The following USH2A variants were observed in gnomAD, a reference collection of about 807,000 sequenced individuals.
USH2A encodes Usher syndrome 2A (autosomal recessive, mild).
USH2A carries 443 observed loss-of-function variants against 538.9 expected under a neutral mutation model. The observed-to-expected ratio is 0.82, with a 90% CI of 0.76 to 0.89. The LOEUF (loss-of-function observed/expected upper bound fraction) is 0.89, where lower values mean the gene tolerates loss of function less well. Ranked by LOEUF, USH2A falls within the 40% of genes least tolerant of loss-of-function variation. USH2A has a pLI of 0.00. For synonymous variants in USH2A, 2,413 were observed against 2,273.5 expected (o/e 1.06, Z -1.75); for missense variants, 6,633 against 6,324.8 (o/e 1.05, Z -1.65).
chr1:215,827,756 C>T (rs988164151), intron 47 of USH2A, among the ~76,000 whole-genome samples: 30 of 151,930 alleles, frequency 2.0e-4, no homozygotes, highest in Non-Finnish European at 3.8e-4. Context: ...CTACAATTGC[C>T]CATATTGGTA....
chr1:216,061,493 T>A (rs1184659349), intron 30 of USH2A, among the ~76,000 whole-genome samples: 2 of 152,202 alleles, frequency 1.3e-5, no homozygotes, highest in Non-Finnish European at 2.9e-5. Context: ...TGGATAAAAT[T>A]TAAATGTGAT....
At chr1:215,766,643 A>G in intron 56 of USH2A, 38 bp downstream of exon 56, 1 of 1,580,864 alleles carries the variant, frequency 6.3e-7, no homozygotes, top group Non-Finnish European at 8.7e-7. Context: ...TGCTATGTGA[A>G]AATTTCTTCC....
chr1:215,973,632 C>A (rs982295589), intron 35 of USH2A, among the ~76,000 whole-genome samples: 4 of 149,752 alleles, frequency 2.7e-5, no homozygotes, highest in African/African-American at 9.8e-5. Context: ...GACAGTTTCT[C>A]CAAATTTACT....
At chr1:215,913,830 T>C (rs1665876331) in intron 38 of USH2A, among the ~76,000 whole-genome samples, 1 of 152,036 alleles carries the variant, frequency 6.6e-6, no homozygotes, top group Non-Finnish European at 1.5e-5. Context: ...CACTCACTTC[T>C]GGGAGCTCAT....
At position 215,790,215 on chromosome 1, in the gene USH2A, T is replaced by G. The variant is rs375107022; in HGVS notation, c.10026A>C (p.Gly3342=). 1.2e-5 allele frequency: 20 copies of G among 1,613,982 alleles called. No homozygotes were observed. Among genetic ancestry groups the G allele is most frequent in the Non-Finnish European group, 1.7e-5 (20 of 1,180,010 alleles). Residue 3342 remains glycine (G), a synonymous_variant, in exon 51 of 72, where the codon GGA becomes GGC. Coordinates refer to ENST00000307340, the MANE Select transcript of USH2A (RefSeq NM_206933.4). ...TCTTTTTAATATGTGCTTTAGACTC[T>G]CCACTGGAAGCTGAGCAGCATATGG... ...SDTICCSASS[G]ESKAHIKKND...
chr1:216,100,823 G>A (rs1330798077), intron 21 of USH2A, among the ~76,000 whole-genome samples: 1 of 152,150 alleles, frequency 6.6e-6, no homozygotes, highest in Non-Finnish European at 1.5e-5. Flanking sequence ...TAAAAATTAT[G>A]CACTATTTAA....
intron 3 of USH2A, among the ~76,000 whole-genome samples, chr1:216,366,707 C>A (rs1010278529): frequency 6.6e-6 from 1 of 152,058 alleles, no homozygotes; most frequent in Non-Finnish European, 1.5e-5. Context: ...ATTCTAACCA[C>A]CCTACTTTCA....
At chr1:216,275,321 A>G (rs1402904237) in intron 11 of USH2A, among the ~76,000 whole-genome samples, 1 of 152,124 alleles carries the variant, frequency 6.6e-6, no homozygotes, top group East Asian at 1.9e-4. Flanking sequence ...TTAATATAGT[A>G]GTTATTAATA....
At chr1:215,676,808 T>C (rs1175068298) in intron 62 of USH2A, among the ~76,000 whole-genome samples, 1 of 152,166 alleles carries the variant, frequency 6.6e-6, no homozygotes, top group Non-Finnish European at 1.5e-5. Context: ...CTGCCCCTGA[T>C]ATTCACCCGG....
chr1:215,948,664 A>G (rs916035626), intron 37 of USH2A, among the ~76,000 whole-genome samples: 20 of 152,068 alleles, frequency 1.3e-4, no homozygotes, highest in African/African-American at 4.8e-4. Flanking sequence ...CACCCTCTTG[A>G]TTTTTATTAT....
At chr1:215,908,560 G>T (rs1010867078) in intron 38 of USH2A, among the ~76,000 whole-genome samples, 2 of 151,632 alleles carry the variant, frequency 1.3e-5, no homozygotes, top group African/African-American at 4.8e-5. Context: ...AGATAGCCAT[G>T]GTAAAATTAT....
chr1:215,978,783 G>A (rs1189098079), intron 35 of USH2A, among the ~76,000 whole-genome samples: 1 of 152,096 alleles, frequency 6.6e-6, no homozygotes, highest in Non-Finnish European at 1.5e-5. Flanking sequence ...ATACGGTAGT[G>A]GGGACTTCAA....
intron 61 of USH2A, among the ~76,000 whole-genome samples, chr1:215,685,550 G>T (rs1376144515): frequency 6.6e-6 from 1 of 151,900 alleles, no homozygotes; most frequent in Non-Finnish European, 1.5e-5. Context: ...TAGAGACGGG[G>T]TTTCACCATC....
chr1:216,008,324 C>T (rs1269979628), intron 32 of USH2A, among the ~76,000 whole-genome samples: 2 of 152,012 alleles, frequency 1.3e-5, no homozygotes, highest in African/African-American at 4.8e-5. Context: ...CATCCTGGCT[C>T]AAAAGCTCCC....
In USH2A at chr1:215,790,175, C is replaced by T; in HGVS notation, c.10066G>A (p.Val3356Ile). Residue 3356 changes from valine (V) to isoleucine (I), a missense_variant, in exon 51 of 72, where the codon GTA becomes ATA. By Grantham distance (29) the Val-to-Ile change is conservative. Transcript: ENST00000307340. ...AHIKKNDPVP[V>I]KCCETELIPK... ...ATAAGTTCAGTCTCACAGCATTTTA[C>T]TGGCACCGGGTCATTCTTTTTAATA... 1.9e-6 allele frequency: 3 copies of T among 1,614,088 alleles called. No homozygotes were observed. The South Asian group carries it at 3.3e-5, about 18-fold the overall frequency.
intron 15 of USH2A, among the ~76,000 whole-genome samples, chr1:216,210,757 C>T (rs1227608401): frequency 1.3e-5 from 2 of 151,940 alleles, no homozygotes; most frequent in East Asian, 1.9e-4. Flanking sequence ...TCGAGGCGGG[C>T]GGATCACGAG....
In USH2A at chr1:216,000,573, G is replaced by A. The variant is rs1668246281; in HGVS notation, c.6326-11C>T. On this transcript the variant is annotated splice_polypyrimidine_tract_variant and intron_variant, in intron 32 of 71. Transcript: ENST00000307340. ...TAAATACTGCTAAATCTAGGGGATA[G>A]GGAGAAACAAGAATTTACTCAGCAT... 2 of 1,613,110 alleles carry A rather than the reference G, an allele frequency of 1.2e-6. No homozygotes were observed. The highest frequency in any genetic ancestry group is 8.5e-7 in the Non-Finnish European group (1 of 1,179,310).
chr1:215,926,538 T>C (rs1056885323), intron 38 of USH2A, among the ~76,000 whole-genome samples: 1 of 151,274 alleles, frequency 6.6e-6, no homozygotes, highest in Admixed American at 6.6e-5. Flanking sequence ...GGTAGGCTGC[T>C]CTGAGGGTGG....
chr1:216,246,009 C>T (rs1268175976), intron 13 of USH2A, among the ~76,000 whole-genome samples: 6 of 152,000 alleles, frequency 3.9e-5, no homozygotes, highest in Non-Finnish European at 8.8e-5. Context: ...TAAGGAGAGC[C>T]ATAGATGGGG....
Sources: gnomAD v4.1 joint callset for allele counts (sites outside exome capture counted in the v4.1 genomes callset) on GRCh38, gnomAD v4.1.1 for gene constraint, MANE v1.5 for transcripts, NCBI Gene and HGNC (gene_info 2026-07-23, HGNC 2026-07-21) for gene names.